Variants in MTHFD1L observed in about 807,000 individuals in gnomAD.
The protein encoded by MTHFD1L is methylenetetrahydrofolate dehydrogenase (NADP+ dependent) 1 like.
A neutral mutation model predicts 119.5 loss-of-function variants in MTHFD1L; 81 were observed. The observed-to-expected ratio is 0.68, with a 90% CI of 0.57 to 0.82. The LOEUF (loss-of-function observed/expected upper bound fraction) is 0.82. Ranked by LOEUF, MTHFD1L falls within the 40% of genes least tolerant of loss-of-function variation. MTHFD1L has a pLI of 0.00. For missense variants in MTHFD1L, 1,125 were observed against 1,253.4 expected, an observed-to-expected ratio of 0.90 and a Z score of 1.55; for synonymous variants, 430 against 475.2, an observed-to-expected ratio of 0.90 and a Z score of 1.24.
In MTHFD1L at chr6:150,865,774, C is replaced by T. The variant is rs866104756; in HGVS notation, c.-49C>T. ...GCTCCCCTGGCACGCGCCCCGCCGC[C>T]CTCGGCAGCCGCAGCTCCGTGTCCC... On this transcript the variant is annotated 5_prime_UTR_variant, in exon 1 of 28. Transcript: ENST00000367321. 4 of 1,245,082 alleles carry T rather than the reference C, an allele frequency of 3.2e-6. 1 individual carries two copies. The Middle Eastern group carries it at 1.3e-3, about 401-fold the overall frequency. 77.1% of individuals were successfully genotyped at this position (1,245,082 alleles called of 1,614,324 possible). A position where few individuals can be genotyped will look rare whatever the true frequency, so the allele number is the denominator to read the frequency against.
intron 19 of MTHFD1L, among the ~76,000 whole-genome samples, chr6:150,970,663 G>T (rs1797887749): frequency 6.6e-6 from 1 of 152,168 alleles, no homozygotes; most frequent in Non-Finnish European, 1.5e-5. Flanking sequence ...ATTTTCCTGA[G>T]TGTTCTGCAT....
At chr6:151,000,365 G>C (rs1246058110) in intron 20 of MTHFD1L, among the ~76,000 whole-genome samples, 1 of 151,546 alleles carries the variant, frequency 6.6e-6, no homozygotes, top group Admixed American at 6.6e-5. Flanking sequence ...AAAAAATTGA[G>C]GTTTGTGCCA....
At chr6:151,100,006 G>T in intron 27 of MTHFD1L, 2 of 625,808 alleles carry the variant, frequency 3.2e-6, no homozygotes, top group Non-Finnish European at 5.5e-6. Context: ...TAAAAAAAAA[G>T]AAAAGAAAGA....
At position 151,015,531 on chromosome 6, in the gene MTHFD1L, T is replaced by C; in HGVS notation, c.2424T>C (p.Ala808=). The C allele has an allele frequency of 6.2e-7, 1 of 1,608,842 alleles. No individual in the cohort carries two copies. Among genetic ancestry groups the C allele is most frequent in the Admixed American group, 1.7e-5 (1 of 59,566 alleles). Residue 808 remains alanine (A), a synonymous_variant, in exon 24 of 28, where the codon GCT becomes GCC. Transcript: ENST00000367321. ...TCTTCACTAGGACCGACACCCGCGC[T>C]GAGATTGACTTGGTGTGTGAGCTTG... The part of the protein sequence containing the change: ...ALNVFKTDTR[A]EIDLVCELAK...
At chr6:150,996,707 CA>C (rs1779849541) in intron 20 of MTHFD1L, among the ~76,000 whole-genome samples, 1 of 152,176 alleles carries the variant, frequency 6.6e-6, no homozygotes, top group South Asian at 2.1e-4. Flanking sequence ...GACTTCCTCA[CA>C]AGGCAAAACA....
At chr6:151,087,044 T>C (rs1052357120) in intron 26 of MTHFD1L, among the ~76,000 whole-genome samples, 1 of 151,484 alleles carries the variant, frequency 6.6e-6, no homozygotes, top group Non-Finnish European at 1.5e-5. Flanking sequence ...GAGTCAGGAG[T>C]TCAAGACTAG....
At chr6:150,911,153 G>C (rs1452234590) in intron 8 of MTHFD1L, among the ~76,000 whole-genome samples, 1 of 151,538 alleles carries the variant, frequency 6.6e-6, no homozygotes, top group African/African-American at 2.4e-5. Flanking sequence ...TTAATATTTT[G>C]CTTTTTTTAA....
At chr6:151,080,132 T>G (rs543449090) in intron 26 of MTHFD1L, among the ~76,000 whole-genome samples, 2 of 152,110 alleles carry the variant, frequency 1.3e-5, no homozygotes, top group South Asian at 4.2e-4. Context: ...GAGCCGAGAT[T>G]GCGCCATTGC....
chr6:150,973,441 A>G (rs865901078), intron 20 of MTHFD1L, among the ~76,000 whole-genome samples: 8 of 152,282 alleles, frequency 5.3e-5, no homozygotes, highest in Non-Finnish European at 1.0e-4. Context: ...GATTTGCTCA[A>G]TTGATCGCTG....
chr6:151,097,567 T>A (rs1232235780), intron 27 of MTHFD1L, among the ~76,000 whole-genome samples: 1 of 152,148 alleles, frequency 6.6e-6, no homozygotes, highest in Non-Finnish European at 1.5e-5. Context: ...ATAGACAGAA[T>A]AAATGGTAGA....
intron 20 of MTHFD1L, among the ~76,000 whole-genome samples, chr6:150,999,005 CAT>C (rs1002752427): frequency 7.1e-6 from 1 of 140,584 alleles, no homozygotes; most frequent in Non-Finnish European, 1.5e-5. Flanking sequence ...AATATATATA[CAT>C]ATATATATAT....
intron 1 of MTHFD1L, among the ~76,000 whole-genome samples, chr6:150,870,838 G>A (rs1271459265): frequency 6.6e-6 from 1 of 151,466 alleles, no homozygotes; most frequent in Non-Finnish European, 1.5e-5. Flanking sequence ...TTTAACCCGG[G>A]AGGTGGAGGT....
intron 26 of MTHFD1L, among the ~76,000 whole-genome samples, chr6:151,063,340 C>CTA (rs1790863789): frequency 6.6e-6 from 1 of 152,090 alleles, no homozygotes; most frequent in Non-Finnish European, 1.5e-5. Flanking sequence ...TAGTCTCTCT[C>CTA]TCTATATATA....
chr6:150,866,450 G>A lies in MTHFD1L; in HGVS notation c.227+401G>A, dbSNP rs1562274910. 4.5e-6 allele frequency: 6 copies of A among 1,324,730 alleles called. No individual in the cohort carries two copies. In the African/African-American group the frequency reaches 4.6e-5, roughly 10 times the overall value. 82.1% of individuals were successfully genotyped at this position (1,324,730 alleles called of 1,614,324 possible). On this transcript the variant is annotated intron_variant, in intron 1 of 27. Coordinates refer to ENST00000367321, the MANE Select transcript of MTHFD1L (RefSeq NM_015440.5). The stretch of plus-strand genomic sequence containing the variant: ...GGGGGCGAGGAGCAGGAGGAGGGCG[G>A]GGCTGCGGCTCGGCGCGCCGGCTGG...
intron 26 of MTHFD1L, among the ~76,000 whole-genome samples, chr6:151,064,046 T>C (rs979907158): frequency 1.3e-5 from 2 of 152,214 alleles, no homozygotes; most frequent in African/African-American, 4.8e-5. Flanking sequence ...CACTCCTGGA[T>C]GAACTCACAG....
chr6:151,021,731 A>G lies in MTHFD1L; in HGVS notation c.2586+6038A>G, dbSNP rs1176702861. 2.0e-5 allele frequency among the ~76,000 whole-genome samples: 3 copies of G among 152,232 alleles called. No homozygotes were observed. The East Asian group carries it at 5.8e-4, about 29-fold the overall frequency. ...GGTTAAAACCAGGAATTAGAAGTCA[A>G]GTCTCCTAAAGCACTACTGAACTAA... On this transcript the variant is annotated intron_variant, in intron 24 of 27. Transcript: ENST00000367321.
chr6:150,884,169 T>G (rs1781833835), intron 5 of MTHFD1L, among the ~76,000 whole-genome samples: 1 of 141,620 alleles, frequency 7.1e-6, no homozygotes, highest in Non-Finnish European at 1.5e-5. Flanking sequence ...TGAGACAGAG[T>G]CTCACTCTGT....
At chr6:151,035,039 C>A (rs1457219138) in intron 25 of MTHFD1L, among the ~76,000 whole-genome samples, 6 of 137,962 alleles carry the variant, frequency 4.3e-5, no homozygotes. Flanking sequence ...GGAGTGCAGC[C>A]TATAAAGATG....
At chr6:151,052,586 C>G (rs1240622593) in intron 26 of MTHFD1L, among the ~76,000 whole-genome samples, 1 of 152,186 alleles carries the variant, frequency 6.6e-6, no homozygotes, top group Non-Finnish European at 1.5e-5. Flanking sequence ...GAGCCTGACT[C>G]CAGAGCGCCT....
Sources: allele counts gnomAD v4.1 joint callset (sites outside exome capture counted in the v4.1 genomes callset), GRCh38; gene constraint gnomAD v4.1.1; transcripts MANE v1.5; gene names NCBI Gene and HGNC (gene_info 2026-07-23, HGNC 2026-07-21).